The following FOXP2 variants were observed in gnomAD, a reference collection of about 807,000 sequenced individuals.
FOXP2 encodes the protein forkhead box P2.
FOXP2 carries 12 observed loss-of-function variants against 115.8 expected under a neutral mutation model. That is an observed-to-expected ratio of 0.10 (90% CI 0.07 to 0.17). The LOEUF is 0.17. Among genes scored for constraint, FOXP2 ranks in the 10% least tolerant of loss-of-function variants. The pLI is 1.00. For synonymous variants in FOXP2, 328 were observed against 297.7 expected (o/e 1.10, Z -1.05); for missense variants, 629 against 843.5 (o/e 0.75, Z 3.15).
intron 3 of FOXP2, among the ~76,000 whole-genome samples, chr7:114,599,540 T>C (rs1327965309): frequency 6.6e-6 from 1 of 152,160 alleles, no homozygotes; most frequent in Non-Finnish European, 1.5e-5. Context: ...TTTTCTACTA[T>C]TTTTGGTAAG....
At chr7:114,371,195 C>T (rs1329515166) in intron 2 of FOXP2, among the ~76,000 whole-genome samples, 3 of 151,938 alleles carry the variant, frequency 2.0e-5, no homozygotes, top group African/African-American at 7.3e-5. Context: ...GTCCTCCTGC[C>T]TCAGCCTCCT....
At chr7:114,255,920 G>C (rs1184901647) in intron 1 of FOXP2, among the ~76,000 whole-genome samples, 2 of 152,008 alleles carry the variant, frequency 1.3e-5, no homozygotes. Context: ...CTTCCTATTC[G>C]GCCATCGTGG....
intron 16 of FOXP2, among the ~76,000 whole-genome samples, chr7:114,676,029 C>G (rs1237561219): frequency 6.6e-6 from 1 of 151,054 alleles, no homozygotes; most frequent in Non-Finnish European, 1.5e-5. Flanking sequence ...CTTGCCTCAG[C>G]CTCCTGAGTA....
At chr7:114,351,398 G>A (rs1031857603) in intron 2 of FOXP2, among the ~76,000 whole-genome samples, 8 of 152,152 alleles carry the variant, frequency 5.3e-5, no homozygotes, top group African/African-American at 1.7e-4. Flanking sequence ...AAAAAAGGAG[G>A]AAGCATTCTG....
chr7:114,346,583 T>A (rs568741976), intron 2 of FOXP2, among the ~76,000 whole-genome samples: 1 of 151,978 alleles, frequency 6.6e-6, no homozygotes, highest in South Asian at 2.1e-4. Flanking sequence ...CACAATGGAA[T>A]ACTATTCAGC....
intron 16 of FOXP2, chr7:114,665,006 T>C (rs1807087835): frequency 6.5e-6 from 1 of 153,446 alleles, no homozygotes; most frequent in Non-Finnish European, 1.5e-5. Context: ...GTTTATAAGT[T>C]ATATTTTATG....
chr7:114,553,613 A>G lies in FOXP2; in HGVS notation c.258+18907A>G, dbSNP rs147819152. On this transcript the variant is annotated intron_variant, in intron 3 of 16. Coordinates refer to ENST00000350908, the MANE Select transcript of FOXP2 (RefSeq NM_014491.4). Reference sequence around the variant, plus strand: ...GTTTTGTTGACAGATTACATCTTATATTCCACCAGCTAGAATCTAGCTGAA... The same window carrying G: ...GTTTTGTTGACAGATTACATCTTATGTTCCACCAGCTAGAATCTAGCTGAA... 2.6e-3 allele frequency among the ~76,000 whole-genome samples: 389 copies of G among 152,280 alleles called. 2 individuals are homozygous for G. The highest frequency in any genetic ancestry group is 9.0e-3 in the African/African-American group (373 of 41,576).
At chr7:114,560,471 C>T (rs1477861802) in intron 3 of FOXP2, among the ~76,000 whole-genome samples, 1 of 151,950 alleles carries the variant, frequency 6.6e-6, no homozygotes, top group Non-Finnish European at 1.5e-5. Flanking sequence ...AAAAAATTAG[C>T]CAGGCATGGT....
chr7:114,629,645 A>T (rs1423822027), intron 4 of FOXP2, 160 bp from the exon 5 acceptor site: 2 of 1,593,848 alleles, frequency 1.3e-6, no homozygotes, highest in Non-Finnish European at 1.7e-6. Context: ...AAAAAAATGT[A>T]TGTAGAGCTG....
At chr7:114,396,481 A>G (rs1039621894) in intron 2 of FOXP2, among the ~76,000 whole-genome samples, 1 of 152,076 alleles carries the variant, frequency 6.6e-6, no homozygotes, top group South Asian at 2.1e-4. Context: ...TCTTCAACAT[A>G]CTGATTTCAT....
intron 2 of FOXP2, among the ~76,000 whole-genome samples, chr7:114,434,110 T>C (rs976667119): frequency 6.6e-6 from 1 of 151,982 alleles, no homozygotes; most frequent in African/African-American, 2.4e-5. Context: ...CAGGCAGTTG[T>C]ATTCTTTCTC....
intron 2 of FOXP2, among the ~76,000 whole-genome samples, chr7:114,457,985 T>A (rs1795393435): frequency 6.6e-6 from 1 of 152,060 alleles, no homozygotes; most frequent in South Asian, 2.1e-4. Context: ...TCCAAATATA[T>A]TGAGGAACAG....
chr7:114,334,931 C>CTATATA lies in FOXP2; in HGVS notation c.-11+46845_-11+46850dup, dbSNP rs144511332. ...ATATATATTTTATATATATAGAAATCTATATATATATATATATATATATAT... is the reference window on the plus strand; with the variant it reads ...ATATATATTTTATATATATAGAAATCTATATATATATATATATATATATATATATAT... On this transcript the variant is annotated intron_variant, in intron 2 of 17. Transcript: ENST00000634411. 5.2e-3 allele frequency among the ~76,000 whole-genome samples: 615 copies of CTATATA among 119,294 alleles called. 4 individuals are homozygous for CTATATA. Among genetic ancestry groups the CTATATA allele is most frequent in the African/African-American group, 0.016 (531 of 33,172 alleles). The allele number at this position is 119,294 out of a possible 152,430, so 78.3% of individuals were successfully genotyped here.
chr7:114,242,163 A>G (rs1217442279), intron 1 of FOXP2, among the ~76,000 whole-genome samples: 1 of 151,712 alleles, frequency 6.6e-6, no homozygotes, highest in Non-Finnish European at 1.5e-5. Flanking sequence ...CTAGAATAAA[A>G]GGAGATAATT....
intron 2 of FOXP2, among the ~76,000 whole-genome samples, chr7:114,407,305 TA>T (rs1793058389): frequency 6.6e-6 from 1 of 152,066 alleles, no homozygotes; most frequent in Non-Finnish European, 1.5e-5. Flanking sequence ...ATTGCTTCAC[TA>T]ATATAACAAT....
chr7:114,202,042 C>T (rs917622804), intron 1 of FOXP2, among the ~76,000 whole-genome samples: 3 of 152,162 alleles, frequency 2.0e-5, no homozygotes, highest in South Asian at 2.1e-4. Flanking sequence ...ATTAAGAAAA[C>T]TTCCATGACC....
intron 1 of FOXP2, among the ~76,000 whole-genome samples, chr7:114,130,365 T>C (rs1272211763): frequency 2.6e-5 from 4 of 152,214 alleles, no homozygotes; most frequent in African/African-American, 9.6e-5. Context: ...ATTAAAAAAT[T>C]GACACAATTA....
intron 3 of FOXP2, among the ~76,000 whole-genome samples, chr7:114,546,366 A>G (rs1026640060): frequency 1.3e-5 from 2 of 152,256 alleles, no homozygotes; most frequent in African/African-American, 4.8e-5. Flanking sequence ...GGCTTTTCGT[A>G]GACTGGTGCT....
intron 2 of FOXP2, among the ~76,000 whole-genome samples, chr7:114,334,756 A>T (rs1369728766): frequency 6.6e-6 from 1 of 151,368 alleles, no homozygotes; most frequent in East Asian, 1.9e-4. Flanking sequence ...ATTTTTGTCA[A>T]TTAAGATAAT....
Sources: allele counts gnomAD v4.1 joint callset (sites outside exome capture counted in the v4.1 genomes callset), GRCh38; gene constraint gnomAD v4.1.1; transcripts MANE v1.5; gene names NCBI Gene and HGNC (gene_info 2026-07-23, HGNC 2026-07-21).